Variants in RANBP2 observed in about 807,000 individuals in gnomAD.
RANBP2 encodes the protein RAN binding protein 2.
In RANBP2, 57 loss-of-function variants were observed where a neutral mutation model predicts 303.6. The ratio of observed to expected loss-of-function variants is 0.19; its 90% CI spans 0.15 to 0.23. RANBP2 has a LOEUF of 0.23. Ranked by LOEUF, RANBP2 falls within the 10% of genes least tolerant of loss-of-function variation. RANBP2 has a pLI of 1.00. For synonymous variants in RANBP2, 1,167 were observed against 1,301.5 expected, an observed-to-expected ratio of 0.90 and a Z score of 2.23; for missense variants, 3,138 against 3,780.8, an observed-to-expected ratio of 0.83 and a Z score of 4.46.
chr2:109,659,014 A>G, the RANBP2 span, among the ~76,000 whole-genome samples: 2 of 152,166 alleles, frequency 1.3e-5, no homozygotes, highest in Non-Finnish European at 2.9e-5. Flanking sequence ...GCAGTAAGCC[A>G]AGATCACGCC....
At chr2:109,674,143 A>G in the RANBP2 span, among the ~76,000 whole-genome samples, 1 of 151,938 alleles carries the variant, frequency 6.6e-6, no homozygotes, top group Non-Finnish European at 1.5e-5. Flanking sequence ...CACTCCTTTA[A>G]TGTTGTTTCT....
At chr2:109,236,704 A>G in the RANBP2 span, among the ~76,000 whole-genome samples, 19 of 152,320 alleles carry the variant, frequency 1.2e-4, no homozygotes, top group Non-Finnish European at 2.4e-4. Flanking sequence ...CCCAGGTGAC[A>G]CTGCCCCTTA....
the RANBP2 span, among the ~76,000 whole-genome samples, chr2:108,908,826 T>C: frequency 6.6e-6 from 1 of 152,200 alleles, no homozygotes; most frequent in African/African-American, 2.4e-5. Flanking sequence ...GTAACTAGGT[T>C]ACAGCAGTGA....
At chr2:109,542,156 GA>G in the RANBP2 span, among the ~76,000 whole-genome samples, 1 of 152,166 alleles carries the variant, frequency 6.6e-6, no homozygotes, top group Non-Finnish European at 1.5e-5. Flanking sequence ...TGCCTCAGTG[GA>G]TAATTCATTT....
At chr2:109,246,972 C>T in the RANBP2 span, among the ~76,000 whole-genome samples, 1 of 152,250 alleles carries the variant, frequency 6.6e-6, no homozygotes, top group Non-Finnish European at 1.5e-5. Context: ...GAGGAGGACT[C>T]ATGGTGGAGG....
the RANBP2 span, among the ~76,000 whole-genome samples, chr2:108,964,141 A>G: frequency 6.6e-6 from 1 of 152,224 alleles, no homozygotes; most frequent in Non-Finnish European, 1.5e-5. Context: ...ACTGGGCAGC[A>G]CAGAAGATAG....
At chr2:108,832,665 A>G in the RANBP2 span, among the ~76,000 whole-genome samples, 1 of 152,234 alleles carries the variant, frequency 6.6e-6, no homozygotes, top group Non-Finnish European at 1.5e-5. Flanking sequence ...GTATAGGTAA[A>G]TTATATCCTA....
the RANBP2 span, among the ~76,000 whole-genome samples, chr2:109,666,349 A>G: frequency 1.3e-5 from 2 of 152,246 alleles, no homozygotes; most frequent in Non-Finnish European, 2.9e-5. Flanking sequence ...TTTAATTCTG[A>G]AGCAATATGT....
chr2:108,822,185 T>G, the RANBP2 span, among the ~76,000 whole-genome samples: 1 of 151,962 alleles, frequency 6.6e-6, no homozygotes, highest in Non-Finnish European at 1.5e-5. Context: ...AAAATATACT[T>G]TACGTCAAAA....
rs778121827 is a variant in RANBP2, at chr2:108,783,829, G to A, written c.9603G>A (p.Lys3201=). The A allele has an allele frequency of 3.1e-6, 5 of 1,613,096 alleles. No individual in the cohort carries two copies. The highest frequency in any genetic ancestry group is 4.2e-6 in the Non-Finnish European group (5 of 1,179,134). The change falls in exon 29 of 29, where the codon AAG becomes AAA. Residue 3201 remains lysine (K), a synonymous_variant. Coordinates refer to ENST00000283195, the MANE Select transcript of RANBP2 (RefSeq NM_006267.5). ...AGGATGGCATGGATACTGTGAAAAAGATTGAATCATTTGGTTCTCCCAAAG... is the reference window on the plus strand; with the variant it reads ...AGGATGGCATGGATACTGTGAAAAAAATTGAATCATTTGGTTCTCCCAAAG... The part of the protein sequence containing the change: ...FVKDGMDTVK[K]IESFGSPKGS...
At chr2:109,425,030 G>C in the RANBP2 span, among the ~76,000 whole-genome samples, 10 of 152,240 alleles carry the variant, frequency 6.6e-5, no homozygotes, top group South Asian at 8.3e-4. Flanking sequence ...TGCTACTCCA[G>C]GGAACACACG....
At chr2:109,635,159 G>A in the RANBP2 span, among the ~76,000 whole-genome samples, 30 of 151,372 alleles carry the variant, frequency 2.0e-4, no homozygotes, top group South Asian at 5.0e-3. Flanking sequence ...GAGCCTCTTG[G>A]CATGTATTAT....
chr2:109,062,908 G>A, the RANBP2 span, among the ~76,000 whole-genome samples: 1 of 152,064 alleles, frequency 6.6e-6, no homozygotes, highest in Non-Finnish European at 1.5e-5. Flanking sequence ...GCCTCAGGGC[G>A]ACCACCTGTG....
the RANBP2 span, among the ~76,000 whole-genome samples, chr2:109,283,005 CTTGGCATGGG>C: frequency 6.6e-6 from 1 of 152,188 alleles, no homozygotes; most frequent in African/African-American, 2.4e-5. Context: ...GGGGTGACTG[CTTGGCATGGG>C]TTGGCAAGGA....
At chr2:109,326,826 G>A in the RANBP2 span, among the ~76,000 whole-genome samples, 1 of 152,234 alleles carries the variant, frequency 6.6e-6, no homozygotes, top group Non-Finnish European at 1.5e-5. Context: ...CCTGTCTCAT[G>A]GGAGAGTATC....
the RANBP2 span, among the ~76,000 whole-genome samples, chr2:109,056,272 T>C: frequency 1.3e-5 from 2 of 152,116 alleles, no homozygotes; most frequent in Admixed American, 6.5e-5. Flanking sequence ...GCCAAAGTGG[T>C]CCTCCTGCCT....
At chr2:109,613,952 C>T in the RANBP2 span, 1 of 1,191,950 alleles carries the variant, frequency 8.4e-7, no homozygotes, top group Non-Finnish European at 1.0e-6. Flanking sequence ...AGGCTGCCTC[C>T]GCGACGGGGA....
the RANBP2 span, among the ~76,000 whole-genome samples, chr2:109,044,529 T>C: frequency 6.6e-6 from 1 of 151,262 alleles, no homozygotes; most frequent in South Asian, 2.1e-4. Flanking sequence ...TCGCAAAAAA[T>C]AAATAAATAA....
At chr2:109,600,549 A>C in the RANBP2 span, among the ~76,000 whole-genome samples, 901 of 152,122 alleles carry the variant, frequency 5.9e-3, 17 homozygotes, top group African/African-American at 0.021. Context: ...AAAAAAAAAA[A>C]AAACCACAAA....
Sources: gnomAD v4.1 joint callset for allele counts (sites outside exome capture counted in the v4.1 genomes callset) on GRCh38, gnomAD v4.1.1 for gene constraint, MANE v1.5 for transcripts, NCBI Gene and HGNC (gene_info 2026-07-23, HGNC 2026-07-21) for gene names.